ADGRL3: variants seen among roughly 807,000 people sequenced by gnomAD.
The protein encoded by ADGRL3 is calcium-independent alpha-latrotoxin receptor 3.
In ADGRL3, 62 loss-of-function variants were observed where a neutral mutation model predicts 153.5. The ratio of observed to expected loss-of-function variants is 0.40; its 90% CI spans 0.33 to 0.50. ADGRL3 has a LOEUF of 0.50. Ranked by LOEUF, ADGRL3 falls within the 20% of genes least tolerant of loss-of-function variation. The pLI, the probability that ADGRL3 is intolerant of heterozygous loss-of-function variation, is 0.47. For synonymous variants in ADGRL3, 710 were observed against 672.5 expected, an observed-to-expected ratio of 1.06 and a Z score of -0.86; for missense variants, 1,641 against 1,859.4, an observed-to-expected ratio of 0.88 and a Z score of 2.16.
At chr4:61,244,617 C>T (rs1406758896) in intron 1 of ADGRL3, among the ~76,000 whole-genome samples, 1 of 151,948 alleles carries the variant, frequency 6.6e-6, no homozygotes, top group Non-Finnish European at 1.5e-5. Context: ...TCTTGGATTT[C>T]TTGTTATGGA....
intron 1 of ADGRL3, among the ~76,000 whole-genome samples, chr4:61,243,478 A>G (rs1228781256): frequency 6.6e-6 from 1 of 152,030 alleles, no homozygotes; most frequent in Non-Finnish European, 1.5e-5. Flanking sequence ...CAACTGAGCA[A>G]TGAAGAGGTT....
At chr4:61,912,826 C>T in intron 13 of ADGRL3, 69 bp downstream of exon 13, 2 of 1,372,778 alleles carry the variant, frequency 1.5e-6, no homozygotes, top group Non-Finnish European at 2.1e-6. Context: ...TGAATGGACA[C>T]CTGATAGAAA....
chr4:61,300,953 C>T (rs955613000), intron 1 of ADGRL3, among the ~76,000 whole-genome samples: 1 of 151,842 alleles, frequency 6.6e-6, no homozygotes, highest in East Asian at 1.9e-4. Flanking sequence ...TTAGTAGAGA[C>T]GGGGTTTCAC....
chr4:61,247,733 T>C (rs1757639696), intron 1 of ADGRL3, among the ~76,000 whole-genome samples: 1 of 152,064 alleles, frequency 6.6e-6, no homozygotes, highest in African/African-American at 2.4e-5. Context: ...CCTACCCCTG[T>C]ATAATTTAGG....
chr4:61,488,261 G>T (rs1483975751), intron 2 of ADGRL3, among the ~76,000 whole-genome samples: 1 of 151,926 alleles, frequency 6.6e-6, no homozygotes, highest in Admixed American at 6.6e-5. Flanking sequence ...TAGAGAGATT[G>T]TCTTCTAACT....
intron 6 of ADGRL3, among the ~76,000 whole-genome samples, chr4:61,679,227 C>G (rs2095281391): frequency 6.6e-6 from 1 of 151,878 alleles, no homozygotes; most frequent in Non-Finnish European, 1.5e-5. Flanking sequence ...ATTTAATAAC[C>G]AGTTCTTATG....
rs367554402 is a variant in ADGRL3, at chr4:61,853,488, A to T, written c.1481-39168A>T. Among the ~76,000 whole-genome samples, 15 of 152,202 alleles carry T rather than the reference A, an allele frequency of 9.9e-5. 1 individual carries two copies. In the East Asian group the frequency reaches 2.7e-3, roughly 27 times the overall value. On this transcript the variant is annotated intron_variant, in intron 9 of 26. Transcript: ENST00000683033. ...TAATTGTTTTATGTTTTACTACTTAATTTCACTTTTGGCTGCAGAGCTTTA... is the reference window on the plus strand; with the variant it reads ...TAATTGTTTTATGTTTTACTACTTATTTTCACTTTTGGCTGCAGAGCTTTA...
At chr4:61,301,287 G>A (rs770037059) in intron 1 of ADGRL3, among the ~76,000 whole-genome samples, 10 of 151,820 alleles carry the variant, frequency 6.6e-5, no homozygotes, top group Non-Finnish European at 1.2e-4. Flanking sequence ...CATTTTTATC[G>A]GCTAAATAAA....
chr4:61,856,719 C>T (rs1479082302), intron 9 of ADGRL3, among the ~76,000 whole-genome samples: 1 of 141,914 alleles, frequency 7.0e-6, no homozygotes, highest in African/African-American at 2.6e-5. Flanking sequence ...AGGGTTCAAG[C>T]AATTCTCCTG....
At chr4:61,468,025 C>T (rs755091829) in intron 2 of ADGRL3, among the ~76,000 whole-genome samples, 1 of 152,040 alleles carries the variant, frequency 6.6e-6, no homozygotes, top group Non-Finnish European at 1.5e-5. Context: ...CAGGCTTTCC[C>T]CTGTAGACTT....
chr4:61,895,912 C>T (rs550579462), intron 11 of ADGRL3, 78 bp downstream of exon 11: 1 of 737,036 alleles, frequency 1.4e-6, no homozygotes, highest in Admixed American at 3.2e-5. Context: ...GGAAAAAAAA[C>T]AGTCAAGAAT....
chr4:62,031,732 C>A, intron 23 of ADGRL3, 122 bp downstream of exon 23: 1 of 661,164 alleles, frequency 1.5e-6, no homozygotes, highest in Non-Finnish European at 2.4e-6. Flanking sequence ...AGATACTCAT[C>A]ATTTATAACA....
intron 9 of ADGRL3, among the ~76,000 whole-genome samples, chr4:61,862,333 G>A (rs1277503162): frequency 6.6e-6 from 1 of 152,136 alleles, no homozygotes; most frequent in Non-Finnish European, 1.5e-5. Flanking sequence ...TGAGAACTAA[G>A]GGACAGAGCT....
chr4:61,686,862 A>G (rs554084206), intron 6 of ADGRL3, among the ~76,000 whole-genome samples: 1 of 151,894 alleles, frequency 6.6e-6, no homozygotes, highest in African/African-American at 2.4e-5. Flanking sequence ...TGAAATCAAC[A>G]TTTTTTGATT....
At chr4:61,262,164 G>T (rs2092569559) in intron 1 of ADGRL3, among the ~76,000 whole-genome samples, 1 of 152,138 alleles carries the variant, frequency 6.6e-6, no homozygotes, top group Non-Finnish European at 1.5e-5. Flanking sequence ...TTTTGGCAGT[G>T]CCACAGCAGT....
At chr4:61,855,059 C>A (rs2098247526) in intron 9 of ADGRL3, among the ~76,000 whole-genome samples, 1 of 151,976 alleles carries the variant, frequency 6.6e-6, no homozygotes, top group Admixed American at 6.6e-5. Flanking sequence ...AATGTAGTAT[C>A]CAGGATGGGA....
In ADGRL3 at chr4:61,405,911, T is replaced by A. The variant is rs575123456; in HGVS notation, c.-174+22722T>A. Among the ~76,000 whole-genome samples, 4 of 152,138 alleles carry A rather than the reference T, an allele frequency of 2.6e-5. No individual in the cohort carries two copies. In the South Asian group the frequency reaches 8.3e-4, roughly 31 times the overall value. ...ATACTGCTAAACCTACCAGAAATAC[T>A]CTTTGCCAGATGTGACTTATAGTTA... On this transcript the variant is annotated intron_variant, in intron 2 of 26. Coordinates refer to ENST00000683033, the MANE Select transcript of ADGRL3 (RefSeq NM_001387552.1).
Position 61,947,037 on chromosome 4 carries a change from C to A in ADGRL3, c.2543C>A (p.Pro848His), listed in dbSNP as rs1362968263. ...STNHSVIVNS[P>H]VITAAINKEF... ...AATCATTCTGTTATTGTCAATTCCC[C>A]TGTTATTACGGCAGCAATAAACAAA... The change falls in exon 16 of 27, where the codon CCT (proline) becomes CAT (histidine). Residue 848 changes from proline (P) to histidine (H), a missense_variant. Pro to His is a moderately conservative substitution (Grantham distance 77, BLOSUM62 -2). Transcript: ENST00000683033. The A allele has an allele frequency of 2.5e-6, 4 of 1,613,732 alleles. No homozygotes were observed. The South Asian group carries it at 4.4e-5, about 18-fold the overall frequency.
At chr4:61,876,850 G>T (rs2098478374) in intron 9 of ADGRL3, among the ~76,000 whole-genome samples, 1 of 149,072 alleles carries the variant, frequency 6.7e-6, no homozygotes, top group South Asian at 2.1e-4. Flanking sequence ...GGGCTGCTCT[G>T]TCTATGGAGT....
Sources: gnomAD v4.1 joint callset for allele counts (sites outside exome capture counted in the v4.1 genomes callset) on GRCh38, gnomAD v4.1.1 for gene constraint, MANE v1.5 for transcripts, NCBI Gene and HGNC (gene_info 2026-07-23, HGNC 2026-07-21) for gene names.